Variants in FBXO28 observed in about 807,000 individuals in gnomAD.
FBXO28 encodes the protein F-box only protein 28.
Under a neutral mutation model 38.1 loss-of-function variants are expected in FBXO28, and 8 were observed. The ratio of observed to expected loss-of-function variants is 0.21; its 90% confidence interval spans 0.12 to 0.38. FBXO28 has a LOEUF of 0.38. FBXO28 is among the 10% of genes least tolerant of loss of function. FBXO28 has a pLI of 1.00. For synonymous variants in FBXO28, 168 were observed against 173.8 expected (o/e 0.97, Z 0.26); for missense variants, 345 against 460.6 (o/e 0.75, Z 2.30).
At position 224,156,419 on chromosome 1, in the gene FBXO28, G is replaced by A. The variant is rs184519259; in HGVS notation, c.713-933G>A. ...AAGTGCAGAGTGAACTTAAGAACAC[G>A]ATACAGGCTGAGTATCCCTTATCCG... On this transcript the variant is annotated intron_variant, in intron 4 of 4. Coordinates refer to ENST00000366862, the MANE Select transcript of FBXO28 (RefSeq NM_015176.4). Among the ~76,000 whole-genome samples the A allele has an allele frequency of 5.5e-4, 84 of 152,262 alleles. 2 individuals carry two copies. The South Asian group carries it at 7.7e-3, about 14-fold the overall frequency.
rs1476706621 is a variant in FBXO28, at chr1:224,158,074, A to G, written c.*328A>G. The G allele has an allele frequency of 1.9e-6, 2 of 1,032,766 alleles. No homozygotes were observed. The highest frequency in any genetic ancestry group is 1.7e-5 in the African/African-American group (1 of 58,908). The allele number at this position is 1,032,766 out of a possible 1,614,324, so 64.0% of individuals were successfully genotyped here. ...GCACATACATACGTAAGGATCTTAA[A>G]CCCAGTCTTGACAGACTAGAAGTTA... On this transcript the variant is annotated 3_prime_UTR_variant, in exon 5 of 5. Coordinates refer to ENST00000366862, the MANE Select transcript of FBXO28 (RefSeq NM_015176.4).
In FBXO28 at chr1:224,157,632, T is replaced by C. The variant is rs982613778; in HGVS notation, c.993T>C (p.Ala331=). The C allele has an allele frequency of 6.2e-6, 10 of 1,614,084 alleles. No individual in the cohort carries two copies. Among genetic ancestry groups the C allele is most frequent in the East Asian group, 2.2e-5 (1 of 44,902 alleles). ...AACTACGAGAAGTAATGGAAAGTGC[T>C]GTAGGAAATTCCTCAGGGTCCGGGC... ...ERKLREVMES[A]VGNSSGSGQN... is the part of the protein sequence containing the mutation. Residue 331 remains alanine, a synonymous_variant, in exon 5 of 5, where the codon GCT becomes GCC. Coordinates refer to ENST00000366862, the MANE Select transcript of FBXO28 (RefSeq NM_015176.4).
intron 1 of FBXO28, among the ~76,000 whole-genome samples, chr1:224,123,377 A>G (rs1467052872): frequency 2.1e-5 from 3 of 146,020 alleles, no homozygotes; most frequent in Non-Finnish European, 3.0e-5. Context: ...AGGGAGGTGG[A>G]AGCCTCAGTA....
intron 3 of FBXO28, among the ~76,000 whole-genome samples, chr1:224,148,099 T>C (rs1203790076): frequency 6.6e-6 from 1 of 152,194 alleles, no homozygotes; most frequent in Non-Finnish European, 1.5e-5. Flanking sequence ...GTAAGATTTT[T>C]AAATGTTCTT....
chr1:224,149,591 CTT>C (rs1407483173), intron 3 of FBXO28, among the ~76,000 whole-genome samples: 1 of 150,988 alleles, frequency 6.6e-6, no homozygotes, highest in Non-Finnish European at 1.5e-5. Context: ...ACTTAACCAT[CTT>C]TACCCCTTAT....
chr1:224,125,730 C>T (rs1656888951), intron 1 of FBXO28, among the ~76,000 whole-genome samples: 1 of 151,772 alleles, frequency 6.6e-6, no homozygotes, highest in African/African-American at 2.4e-5. Context: ...TAACCTCCAC[C>T]TTCCGGGTTT....
chr1:224,133,949 C>A, intron 2 of FBXO28, 125 bp from the exon 3 acceptor site: 1 of 618,144 alleles, frequency 1.6e-6, no homozygotes, highest in Non-Finnish European at 2.5e-6. Flanking sequence ...AAATTATGAC[C>A]CAACTGTAGA....
At position 224,161,997 on chromosome 1, in the gene FBXO28, C is replaced by T. The variant is rs2102641789; in HGVS notation, c.*4251C>T. On this transcript the variant is annotated 3_prime_UTR_variant, in exon 5 of 5. Transcript: ENST00000366862. ...GAATCAATTATTGGAAAGTGAAAAA[C>T]ACCTCCCGGTCACACAACAGGGTAC... The T allele has an allele frequency of 6.6e-6, 1 of 152,304 alleles. No homozygotes were observed. The highest frequency in any genetic ancestry group is 2.1e-4 in the South Asian group (1 of 4,828). The allele number at this position is 152,304 out of a possible 1,614,324, so 9.4% of individuals were successfully genotyped here. A position where few individuals can be genotyped will look rare whatever the true frequency, so the allele number is the denominator to read the frequency against.
intron 1 of FBXO28, among the ~76,000 whole-genome samples, chr1:224,121,047 A>C (rs928583198): frequency 6.6e-6 from 1 of 152,042 alleles, no homozygotes; most frequent in Non-Finnish European, 1.5e-5. Flanking sequence ...ATTTTACAAG[A>C]CCATTTTAAG....
chr1:224,127,012 T>G (rs1656918847), intron 1 of FBXO28, among the ~76,000 whole-genome samples: 2 of 151,946 alleles, frequency 1.3e-5, no homozygotes, highest in African/African-American at 4.8e-5. Flanking sequence ...TTCAATAACA[T>G]AAAAGTTTTT....
chr1:224,140,523 T>C (rs1558193043), intron 3 of FBXO28, among the ~76,000 whole-genome samples: 1 of 152,218 alleles, frequency 6.6e-6, no homozygotes, highest in Non-Finnish European at 1.5e-5. Context: ...AAAGTTGATT[T>C]TAATGTGGCG....
chr1:224,148,127 G>T (rs1258014311), intron 3 of FBXO28, among the ~76,000 whole-genome samples: 1 of 151,948 alleles, frequency 6.6e-6, no homozygotes, highest in Non-Finnish European at 1.5e-5. Context: ...GGAAGACTGG[G>T]GCAAATGGAA....
At chr1:224,129,813 C>A (rs924652308) in intron 1 of FBXO28, among the ~76,000 whole-genome samples, 7 of 152,070 alleles carry the variant, frequency 4.6e-5, no homozygotes, top group African/African-American at 1.7e-4. Flanking sequence ...CACAGTGAAA[C>A]CCCGTCTCTA....
rs946109154 is a variant in FBXO28, at chr1:224,154,498, G to A, written c.712+1161G>A. 3.3e-5 allele frequency among the ~76,000 whole-genome samples: 5 copies of A among 150,604 alleles called. No homozygotes were observed. In the South Asian group the frequency reaches 6.3e-4, roughly 19 times the overall value. On this transcript the variant is annotated intron_variant, in intron 4 of 4. Transcript: ENST00000366862. The stretch of plus-strand genomic sequence containing the variant: ...CCAGCCTGGCCAACATGGTAAAACC[G>A]TGTCTCTACTAAAAAATACCAAAAA...
chr1:224,124,294 A>C (rs1656854832), intron 1 of FBXO28, among the ~76,000 whole-genome samples: 1 of 152,242 alleles, frequency 6.6e-6, no homozygotes, highest in Admixed American at 6.5e-5. Flanking sequence ...TAGAACAGTG[A>C]GTAACAGGAG....
At chr1:224,143,704 C>T (rs565187825) in intron 3 of FBXO28, among the ~76,000 whole-genome samples, 2 of 152,004 alleles carry the variant, frequency 1.3e-5, no homozygotes, top group East Asian at 1.9e-4. Context: ...GGCGTGATGG[C>T]GGGCACCTGT....
intron 3 of FBXO28, among the ~76,000 whole-genome samples, chr1:224,143,110 A>G (rs1345634373): frequency 2.6e-5 from 4 of 150,968 alleles, no homozygotes; most frequent in African/African-American, 9.8e-5. Context: ...CTAAATAAAT[A>G]CATATATTAG....
chr1:224,153,921 CAAAA>C (rs3065992), intron 4 of FBXO28, among the ~76,000 whole-genome samples: 37,989 of 130,596 alleles, frequency 0.29, 4,995 homozygotes, highest in East Asian at 0.5. Context: ...AACTCCATCT[CAAAA>C]AAAAAAAAAA....
intron 3 of FBXO28, among the ~76,000 whole-genome samples, chr1:224,144,526 G>T (rs1405043340): frequency 2.0e-5 from 3 of 152,092 alleles, no homozygotes. Flanking sequence ...TTGGGAGGCG[G>T]AGGTGTGTGG....
Sources: allele counts gnomAD v4.1 joint callset (sites outside exome capture counted in the v4.1 genomes callset), GRCh38; gene constraint gnomAD v4.1.1; transcripts MANE v1.5; gene names NCBI Gene and HGNC (gene_info 2026-07-23, HGNC 2026-07-21).